The following ROR2 variants were observed in gnomAD, a reference collection of about 807,000 sequenced individuals.
The protein encoded by ROR2 is ROR family WNT receptor 2.
In ROR2, 33 loss-of-function variants were observed where a neutral mutation model predicts 74.9. The observed-to-expected ratio is 0.44, with a 90% CI of 0.33 to 0.59. The LOEUF (loss-of-function observed/expected upper bound fraction) is 0.59. Among genes scored for constraint, ROR2 ranks in the 20% least tolerant of loss-of-function variants. The pLI is 0.02. For missense variants in ROR2, 1,216 were observed against 1,313.8 expected, an observed-to-expected ratio of 0.93 and a Z score of 1.15; for synonymous variants, 586 against 558.7, an observed-to-expected ratio of 1.05 and a Z score of -0.69.
chr9:91,787,482 G>A (rs1440608398), intron 1 of ROR2, among the ~76,000 whole-genome samples: 1 of 152,120 alleles, frequency 6.6e-6, no homozygotes, highest in Non-Finnish European at 1.5e-5. Context: ...TTCAGCCTGG[G>A]AGACGGAACA....
At chr9:91,816,204 C>T (rs975547223) in intron 1 of ROR2, among the ~76,000 whole-genome samples, 2 of 152,144 alleles carry the variant, frequency 1.3e-5, no homozygotes, top group African/African-American at 4.8e-5. Context: ...CAACCTTGCT[C>T]GGGCTCACTG....
At chr9:91,885,011 C>A (rs753067983) in intron 1 of ROR2, among the ~76,000 whole-genome samples, 4 of 152,172 alleles carry the variant, frequency 2.6e-5, no homozygotes, top group African/African-American at 7.2e-5. Context: ...TAAAGCCTCG[C>A]GAACTTAAAG....
intron 1 of ROR2, among the ~76,000 whole-genome samples, chr9:91,889,588 C>T (rs1432180238): frequency 6.6e-6 from 1 of 152,112 alleles, no homozygotes; most frequent in African/African-American, 2.4e-5. Flanking sequence ...CAGGGCGGGC[C>T]AGAAGACCAC....
At chr9:91,771,559 A>G (rs1826227218) in intron 2 of ROR2, among the ~76,000 whole-genome samples, 1 of 152,230 alleles carries the variant, frequency 6.6e-6, no homozygotes, top group Non-Finnish European at 1.5e-5. Context: ...ACCAAGTCCT[A>G]CAGTCGCCTG....
chr9:91,772,423 A>G (rs1426675114), intron 2 of ROR2, among the ~76,000 whole-genome samples: 2 of 152,174 alleles, frequency 1.3e-5, no homozygotes, highest in South Asian at 2.1e-4. Flanking sequence ...CTGTGCTGAG[A>G]GCAGTGCCAT....
At chr9:91,892,585 C>G (rs894676781) in intron 1 of ROR2, among the ~76,000 whole-genome samples, 1 of 120,816 alleles carries the variant, frequency 8.3e-6, no homozygotes, top group African/African-American at 3.3e-5. Context: ...TTTTTCTTTT[C>G]TTTTCTTTTT....
intron 1 of ROR2, among the ~76,000 whole-genome samples, chr9:91,861,453 C>A (rs1004709442): frequency 6.6e-6 from 1 of 152,164 alleles, no homozygotes; most frequent in Non-Finnish European, 1.5e-5. Context: ...GAAATAAACC[C>A]TCACATTTAT....
At chr9:91,727,658 C>CT (rs1393930186) in intron 7 of ROR2, among the ~76,000 whole-genome samples, 3 of 152,146 alleles carry the variant, frequency 2.0e-5, no homozygotes, top group African/African-American at 7.2e-5. Context: ...TAGAGAGCCA[C>CT]TTTCCCACAT....
chr9:91,856,737 G>C (rs535582132), intron 1 of ROR2, among the ~76,000 whole-genome samples: 2 of 152,318 alleles, frequency 1.3e-5, no homozygotes, highest in East Asian at 3.9e-4. Context: ...ACGGCAGACT[G>C]AGCTGACAAA....
intron 1 of ROR2, among the ~76,000 whole-genome samples, chr9:91,834,525 C>G (rs536835382): frequency 2.4e-4 from 37 of 152,348 alleles, no homozygotes; most frequent in African/African-American, 8.7e-4. Flanking sequence ...CATGGAATAG[C>G]TGGGACAAAA....
chr9:91,794,627 C>T (rs1434678272), intron 1 of ROR2, among the ~76,000 whole-genome samples: 2 of 152,184 alleles, frequency 1.3e-5, no homozygotes, highest in East Asian at 3.9e-4. Flanking sequence ...GTCACCCAGG[C>T]CCAGGCTGGA....
At chr9:91,945,563 A>G (rs1306274461) in intron 1 of ROR2, among the ~76,000 whole-genome samples, 1 of 152,262 alleles carries the variant, frequency 6.6e-6, no homozygotes, top group Admixed American at 6.5e-5. Flanking sequence ...AAGGATTTCT[A>G]GAGGACCAAG....
chr9:91,788,650 A>G (rs1431822809), intron 1 of ROR2, among the ~76,000 whole-genome samples: 1 of 152,096 alleles, frequency 6.6e-6, no homozygotes, highest in Non-Finnish European at 1.5e-5. Context: ...AGATCACCTG[A>G]GATCAGGAGT....
In ROR2 at chr9:91,867,111, T is replaced by C. The variant is rs149105922; in HGVS notation, c.97+82756A>G. The stretch of plus-strand genomic sequence containing the variant: ...CTGGAACGAATAGGGGAGCACTTCT[T>C]TAGGGACTCCTTAGCATCTCCAGGT... On this transcript the variant is annotated intron_variant, in intron 1 of 8. Transcript: ENST00000375708. Among the ~76,000 whole-genome samples the C allele has an allele frequency of 5.3e-5, 8 of 152,308 alleles. 1 individual carries two copies. The highest frequency in any genetic ancestry group is 1.0e-4 in the Non-Finnish European group (7 of 68,014).
chr9:91,776,766 C>A (rs892613837), intron 1 of ROR2, among the ~76,000 whole-genome samples: 3 of 152,182 alleles, frequency 2.0e-5, no homozygotes, highest in African/African-American at 7.2e-5. Context: ...CATCACTCAG[C>A]ACTGTTTAAA....
chr9:91,862,556 G>A (rs1398252179), intron 1 of ROR2, among the ~76,000 whole-genome samples: 1 of 152,142 alleles, frequency 6.6e-6, no homozygotes, highest in East Asian at 1.9e-4. Flanking sequence ...CAGCTACTCA[G>A]GAGGTTGAGG....
intron 1 of ROR2, among the ~76,000 whole-genome samples, chr9:91,785,422 CA>C (rs1294022349): frequency 6.6e-6 from 1 of 152,244 alleles, no homozygotes; most frequent in African/African-American, 2.4e-5. Context: ...TGTGTGTGCA[CA>C]CATGCATCTG....
intron 1 of ROR2, among the ~76,000 whole-genome samples, chr9:91,894,523 T>G (rs1239504321): frequency 1.3e-5 from 2 of 152,190 alleles, no homozygotes; most frequent in Non-Finnish European, 2.9e-5. Flanking sequence ...GCAGGCACAT[T>G]CGAGGTATAA....
chr9:91,864,319 G>A (rs1323331511), intron 1 of ROR2, among the ~76,000 whole-genome samples: 1 of 152,166 alleles, frequency 6.6e-6, no homozygotes, highest in East Asian at 1.9e-4. Flanking sequence ...TTCTTGCAAT[G>A]AAGAGAATCC....
Sources: allele counts gnomAD v4.1 joint callset (sites outside exome capture counted in the v4.1 genomes callset), GRCh38; gene constraint gnomAD v4.1.1; transcripts MANE v1.5; gene names NCBI Gene and HGNC (gene_info 2026-07-23, HGNC 2026-07-21).